Variants in TET2 observed in about 807,000 individuals in gnomAD.
TET2 encodes the protein methylcytosine dioxygenase TET2.
TET2 carries 299 observed loss-of-function variants against 142.9 expected under a neutral mutation model. That is an observed-to-expected ratio of 2.09 (90% CI 1.90 to 2.30). The LOEUF (loss-of-function observed/expected upper bound fraction) is 2.30, where lower values mean the gene tolerates loss of function less well. Among genes scored for constraint, TET2 ranks in the 30% most tolerant of loss-of-function variants. The pLI is 0.00. For missense variants in TET2, 2,418 were observed against 2,378.0 expected (o/e 1.02, Z -0.35); for synonymous variants, 819 against 849.0 (o/e 0.96, Z 0.61).
intron 6 of TET2, among the ~76,000 whole-genome samples, chr4:105,257,693 A>ATAT (rs1650700386): frequency 6.6e-6 from 1 of 152,186 alleles, no homozygotes; most frequent in African/African-American, 2.4e-5. Flanking sequence ...TCCCAGGAAT[A>ATAT]TATTTTCAAA....
At chr4:105,190,556 CTAATG>C (rs1309965859) in intron 2 of TET2, 51 bp downstream of exon 2, 2 of 690,638 alleles carry the variant, frequency 2.9e-6, no homozygotes, top group Admixed American at 2.1e-5. Flanking sequence ...GAATTTATTC[CTAATG>C]TAATGGTAAT....
chr4:105,219,719 ATT>A (rs1334096764), intron 2 of TET2, among the ~76,000 whole-genome samples: 2 of 152,020 alleles, frequency 1.3e-5, no homozygotes, highest in African/African-American at 2.4e-5. Context: ...ACAGTAAAGA[ATT>A]ATGCATTGAT....
intron 2 of TET2, among the ~76,000 whole-genome samples, chr4:105,208,119 T>G (rs1726933394): frequency 6.6e-6 from 1 of 152,190 alleles, no homozygotes. Flanking sequence ...AATAGGTCAT[T>G]CTGCAAATGG....
intron 6 of TET2, among the ~76,000 whole-genome samples, chr4:105,257,309 C>T (rs1730186550): frequency 6.6e-6 from 1 of 152,120 alleles, no homozygotes; most frequent in Non-Finnish European, 1.5e-5. Context: ...TCTGGTAAAT[C>T]TGAAAATCAG....
intron 2 of TET2, among the ~76,000 whole-genome samples, chr4:105,208,796 C>T (rs1213910212): frequency 6.6e-6 from 1 of 151,606 alleles, no homozygotes; most frequent in Non-Finnish European, 1.5e-5. Flanking sequence ...ACGTGGTAAC[C>T]TGCCATAACA....
intron 3 of TET2, chr4:105,238,295 CTG>C: frequency 8.4e-6 from 2 of 239,240 alleles, no homozygotes; most frequent in South Asian, 1.8e-4. Flanking sequence ...GCTGGGATGG[CTG>C]TGTGTGTGGC....
chr4:105,277,512 G>A lies in TET2; in HGVS notation c.*993G>A. 8.8e-6 allele frequency: 2 copies of A among 226,858 alleles called. No individual in the cohort carries two copies. The highest frequency in any genetic ancestry group is 1.8e-5 in the Non-Finnish European group (2 of 114,164). The allele number at this position is 226,858 out of a possible 1,614,324, so 14.1% of individuals were successfully genotyped here. ...TACTTTCATTTTAGAATGCAAAGTTGATTTTTTTAAGGAAACAAAGAAAGC... is the reference window on the plus strand; with the variant it reads ...TACTTTCATTTTAGAATGCAAAGTTAATTTTTTTAAGGAAACAAAGAAAGC... On this transcript the variant is annotated 3_prime_UTR_variant, in exon 11 of 11. Transcript: ENST00000380013.
intron 6 of TET2, among the ~76,000 whole-genome samples, chr4:105,245,883 T>A (rs1045857601): frequency 6.6e-6 from 1 of 152,222 alleles, no homozygotes; most frequent in African/African-American, 2.4e-5. Context: ...TTAAAATTTC[T>A]TTTCAAAAAT....
intron 1 of TET2, among the ~76,000 whole-genome samples, chr4:105,174,975 C>G (rs550518334): frequency 1.3e-5 from 2 of 152,138 alleles, no homozygotes; most frequent in Non-Finnish European, 2.9e-5. Context: ...ACAACTCAAA[C>G]CATCCTGTCC....
chr4:105,274,826 T>C (rs993838349), intron 10 of TET2, among the ~76,000 whole-genome samples: 1 of 151,912 alleles, frequency 6.6e-6, no homozygotes, highest in African/African-American at 2.4e-5. Context: ...TGGATGTTTA[T>C]TACATTTTTT....
chr4:105,220,077 T>C lies in TET2; in HGVS notation c.-46-13820T>C, dbSNP rs191639512. 4.6e-5 allele frequency among the ~76,000 whole-genome samples: 7 copies of C among 152,276 alleles called. No individual in the cohort carries two copies. The East Asian group carries it at 1.4e-3, about 29-fold the overall frequency. The stretch of plus-strand genomic sequence containing the variant: ...TGACACATAGAATATGTTCAATAAA[T>C]ATTCGTTGCATGAAAGAATGAATAC... On this transcript the variant is annotated intron_variant, in intron 2 of 10. Transcript: ENST00000380013.
chr4:105,180,093 A>G (rs1207497519), intron 1 of TET2, among the ~76,000 whole-genome samples: 1 of 152,094 alleles, frequency 6.6e-6, no homozygotes, highest in Non-Finnish European at 1.5e-5. Context: ...TAGAAATGAC[A>G]CTTTCACATC....
intron 2 of TET2, among the ~76,000 whole-genome samples, chr4:105,203,352 G>A (rs1291220227): frequency 6.6e-6 from 1 of 152,132 alleles, no homozygotes; most frequent in Non-Finnish European, 1.5e-5. Flanking sequence ...GTAGGAGAGG[G>A]TTTTAAGCTA....
chr4:105,242,040 T>C, intron 4 of TET2: 1 of 1,237,136 alleles, frequency 8.1e-7, no homozygotes, highest in Non-Finnish European at 1.0e-6. Context: ...AGAAGGCCTT[T>C]CATATAAATT....
Position 105,278,056 on chromosome 4 carries a change from A to AAATC in TET2, c.*1539_*1542dup, listed in dbSNP as rs1263099953. 17 of 206,370 alleles carry AAATC rather than the reference A, an allele frequency of 8.2e-5. No individual in the cohort carries two copies. The highest frequency in any genetic ancestry group is 1.3e-4 in the Non-Finnish European group (13 of 101,308). The allele number at this position is 206,370 out of a possible 1,614,324, so 12.8% of individuals were successfully genotyped here. On this transcript the variant is annotated 3_prime_UTR_variant, in exon 11 of 11. Transcript: ENST00000380013. ...GCAGCTGGTTTGCTGTGGTGGTTTT[A>AAATC]AATCATTAATTTGTATAAAGAAGTG... is the stretch of plus-strand genomic sequence containing the variant.
Position 105,235,154 on chromosome 4 carries a change from G to T in TET2, c.1212G>T (p.Leu404Phe). ...ATTTPPPPSQ[L>F]LLSPPPPLPQ... ...CCACACCACCACCACCATCACAATT[G>T]CTTCTTTCTCCCCCTCCTCCTCTTC... Residue 404 changes from leucine to phenylalanine, a missense_variant, in exon 3 of 11, where the codon TTG becomes TTT. By Grantham distance (22) the Leu-to-Phe change is conservative. Coordinates refer to ENST00000380013, the MANE Select transcript of TET2 (RefSeq NM_001127208.3). 6.2e-7 allele frequency: 1 copy of T among 1,613,552 alleles called. No homozygotes were observed. Among genetic ancestry groups the T allele is most frequent in the Non-Finnish European group, 8.5e-7 (1 of 1,179,810 alleles).
At position 105,276,847 on chromosome 4, in the gene TET2, C is replaced by CCCCCCCCCG; in HGVS notation, c.*330_*331insCCCCCCGCC. ...TGATATGTAAATGTGATCCCCCCCC[C>CCCCCCCCCG]CCGCTTACAACTCTACACATCTGTG... On this transcript the variant is annotated 3_prime_UTR_variant, in exon 11 of 11. Transcript: ENST00000380013. 4.5e-6 allele frequency: 1 copy of CCCCCCCCCG among 221,888 alleles called. No individual in the cohort carries two copies. The highest frequency in any genetic ancestry group is 8.9e-6 in the Non-Finnish European group (1 of 112,470). The allele number at this position is 221,888 out of a possible 1,614,324, so 13.7% of individuals were successfully genotyped here.
chr4:105,228,893 AT>A (rs772337844), intron 2 of TET2, among the ~76,000 whole-genome samples: 10 of 152,178 alleles, frequency 6.6e-5, no homozygotes, highest in Non-Finnish European at 1.2e-4. Flanking sequence ...AAGTTTCTTT[AT>A]TAGGTGTTAT....
In TET2 at chr4:105,241,429, G is replaced by C. The variant is rs1412752935; in HGVS notation, c.3500G>C (p.Arg1167Thr). The change falls in exon 4 of 11, where the codon AGG becomes ACG. Residue 1167 changes from arginine (R) to threonine (T), a missense_variant and splice_region_variant. By Grantham distance (71) the Arg-to-Thr change is moderately conservative (BLOSUM62 -1). Coordinates refer to ENST00000380013, the MANE Select transcript of TET2 (RefSeq NM_001127208.3). ...GCTATTAGAGAAATCATGGAAGAAA[G>C]GTAATTAACGCAAAGGCACAGGGCA... The part of the protein sequence containing the change: ...VAAIREIMEE[R>T]FGQKGKAIRI... 1.3e-6 allele frequency: 2 copies of C among 1,549,078 alleles called. No individual in the cohort carries two copies. Among genetic ancestry groups the C allele is most frequent in the Non-Finnish European group, 1.7e-6 (2 of 1,146,238 alleles).
Sources: allele counts gnomAD v4.1 joint callset (sites outside exome capture counted in the v4.1 genomes callset), GRCh38; gene constraint gnomAD v4.1.1; transcripts MANE v1.5; gene names NCBI Gene and HGNC (gene_info 2026-07-23, HGNC 2026-07-21).